PADI6: variants seen among roughly 807,000 people sequenced by gnomAD.
The protein encoded by PADI6 is peptidyl arginine deiminase 6, also known as inactive protein-arginine deiminase type-6.
A neutral mutation model predicts 78.2 loss-of-function variants in PADI6; 66 were observed. That is an observed-to-expected ratio of 0.84 (90% CI 0.69 to 1.04). The LOEUF (loss-of-function observed/expected upper bound fraction) is 1.04. Among genes scored for constraint, PADI6 ranks in the 50% least tolerant of loss-of-function variants. The pLI is 0.00. For synonymous variants in PADI6, 397 were observed against 346.9 expected (o/e 1.14, Z -1.60); for missense variants, 854 against 866.1 (o/e 0.99, Z 0.18).
Position 17,401,281 on chromosome 1 carries a change from T to A in PADI6, c.1928T>A (p.Leu643Gln). ...FGPQIKGTCCLEEKICCLLEP... is the reference protein window; with the variant it reads ...FGPQIKGTCCQEEKICCLLEP... ...CCCCAAATCAAGGGGACCTGCTGCC[T>A]GGAAGAAAAGATTTGCTGCTTGCTG... Residue 643 changes from leucine (L) to glutamine (Q), a missense_variant, in exon 16 of 16, where the codon CTG becomes CAG. By Grantham distance (113) the Leu-to-Gln change is moderately radical (BLOSUM62 -2). Coordinates refer to ENST00000619609, the MANE Select transcript of PADI6 (RefSeq NM_207421.4). The A allele has an allele frequency of 6.2e-7, 1 of 1,614,060 alleles. No homozygotes were observed. The highest frequency in any genetic ancestry group is 8.5e-7 in the Non-Finnish European group (1 of 1,179,896).
Position 17,398,751 on chromosome 1 carries a change from C to T in PADI6, c.1755C>T (p.Ile585=), listed in dbSNP as rs746099768. 5.6e-6 allele frequency: 9 copies of T among 1,605,642 alleles called. No individual in the cohort carries two copies. Among genetic ancestry groups the T allele is most frequent in the East Asian group, 2.3e-5 (1 of 44,386 alleles). ...TGGGCCTGGTGGAACAGGACATCAT[C>T]GAGATTCCCCAGCTGTTCTGCTTGG... ...TELGLVEQDI[I]EIPQLFCLEK... Residue 585 remains isoleucine (I), a synonymous_variant, in exon 15 of 16, where the codon ATC becomes ATT. Coordinates refer to ENST00000619609, the MANE Select transcript of PADI6 (RefSeq NM_207421.4).
chr1:17,374,965 T>C (rs933571534), intron 2 of PADI6, among the ~76,000 whole-genome samples: 1 of 152,078 alleles, frequency 6.6e-6, no homozygotes, highest in African/African-American at 2.4e-5. Context: ...TTCACCTGGG[T>C]GTCCTTCTTA....
chr1:17,388,417 C>T lies in PADI6; in HGVS notation c.716C>T (p.Pro239Leu), dbSNP rs755822282. 8 of 1,613,480 alleles carry T rather than the reference C, an allele frequency of 5.0e-6. No homozygotes were observed. The highest frequency in any genetic ancestry group is 1.7e-5 in the Admixed American group (1 of 59,944). ...AGTACCTTTGAGTTGGTGCTGGGGC[C>T]CGACCAGCACGCCTATACCTTGGCC... The part of the protein sequence containing the change: ...NSSTFELVLG[P>L]DQHAYTLALL... Residue 239 changes from proline to leucine, a missense_variant, in exon 7 of 16, where the codon CCC (proline) becomes CTC (leucine). Transcript: ENST00000619609.
intron 6 of PADI6, among the ~76,000 whole-genome samples, chr1:17,387,302 G>A (rs111958283): frequency 0.012 from 1,870 of 152,108 alleles, 44 homozygotes; most frequent in African/African-American, 0.042. Flanking sequence ...AAAACTAGCC[G>A]GGCATGGTGG....
intron 8 of PADI6, among the ~76,000 whole-genome samples, chr1:17,390,688 G>C (rs55964714): frequency 0.35 from 52,452 of 151,526 alleles, 9,273 homozygotes; most frequent in South Asian, 0.39. Flanking sequence ...CTCCTGGGGA[G>C]TGTGGTCCTC....
rs869119547 is a variant in PADI6 at position 17,378,947 on chromosome 1, A to AT, written c.368-965dup. ...GGGGCTTAGAATTGTCATGTATTGA[A>AT]TTTTTTTTGGGGGGGGGGACAGAAT... On this transcript the variant is annotated intron_variant, in intron 3 of 15. Coordinates refer to ENST00000619609, the MANE Select transcript of PADI6 (RefSeq NM_207421.4). Among the ~76,000 whole-genome samples, 350 of 115,646 alleles carry AT rather than the reference A, an allele frequency of 3.0e-3. 4 individuals are homozygous for AT. Among genetic ancestry groups the AT allele is most frequent in the South Asian group, 6.8e-3 (26 of 3,834 alleles). The allele number at this position is 115,646 out of a possible 152,430, so 75.9% of individuals were successfully genotyped here. A position where few individuals can be genotyped will look rare whatever the true frequency, so the allele number is the denominator to read the frequency against.
Position 17,401,334 on chromosome 1 carries a change from A to T in PADI6, c.1981A>T (p.Ile661Phe). The T allele has an allele frequency of 1.2e-6, 2 of 1,614,080 alleles. No individual in the cohort carries two copies. The highest frequency in any genetic ancestry group is 1.3e-5 in the African/African-American group (1 of 75,066). Residue 661 changes from isoleucine to phenylalanine, a missense_variant, in exon 16 of 16, where the codon ATC becomes TTC. Physicochemically the swap from Ile to Phe is conservative, Grantham distance 21. Transcript: ENST00000619609. ...LEPLGFKCTF[I>F]NDFDCYLTEV... is the part of the protein sequence containing the mutation. ...GCCCCTGGGCTTCAAGTGCACCTTC[A>T]TCAATGACTTTGACTGTTACCTGAC...
chr1:17,381,819 G>T, intron 5 of PADI6, 148 bp from the exon 6 acceptor site: 1 of 841,778 alleles, frequency 1.2e-6, no homozygotes, highest in Non-Finnish European at 1.9e-6. Flanking sequence ...GCAGTGAAAT[G>T]GTAATTCTTC....
chr1:17,393,002 C>T (rs190342153), intron 9 of PADI6, among the ~76,000 whole-genome samples: 238 of 152,142 alleles, frequency 1.6e-3, no homozygotes, highest in African/African-American at 5.5e-3. Flanking sequence ...AAAAATCAGC[C>T]GGGCATGGTG....
chr1:17,398,688 G>T lies in PADI6; in HGVS notation c.1692G>T (p.Lys564Asn). ...CCCACCCACCCACCCACCCACAGAA[G>T]TGCATTCACCTGAACCGTGACATCC... ...SLKKQNEYVE[K>N]CIHLNRDILK... The change falls in exon 15 of 16, where the codon AAG becomes AAT. Residue 564 changes from lysine to asparagine, a missense_variant and splice_region_variant. By Grantham distance (94) the Lys-to-Asn change is moderately conservative. Coordinates refer to ENST00000619609, the MANE Select transcript of PADI6 (RefSeq NM_207421.4). 1.9e-6 allele frequency: 2 copies of T among 1,056,212 alleles called. No homozygotes were observed. Among genetic ancestry groups the T allele is most frequent in the African/African-American group, 3.7e-5 (1 of 27,396 alleles). 65.4% of individuals were successfully genotyped at this position (1,056,212 alleles called of 1,614,324 possible). A position where few individuals can be genotyped will look rare whatever the true frequency, so the allele number is the denominator to read the frequency against.
chr1:17,372,573 T>C (rs572194939), intron 1 of PADI6, among the ~76,000 whole-genome samples: 1 of 152,268 alleles, frequency 6.6e-6, no homozygotes, highest in East Asian at 1.9e-4. Flanking sequence ...GCAGCTGCCA[T>C]GGACTCTTAG....
chr1:17,388,588 G>A (rs1229258065), intron 7 of PADI6, 29 bp downstream of exon 7: 1 of 1,564,584 alleles, frequency 6.4e-7, no homozygotes, highest in East Asian at 2.3e-5. Context: ...TGGGTCCTCA[G>A]ACTAGGATGC....
At chr1:17,394,118 C>T (rs1557607437) in intron 10 of PADI6, 36 bp downstream of exon 10, 4 of 1,597,354 alleles carry the variant, frequency 2.5e-6, no homozygotes, top group Non-Finnish European at 3.4e-6. Flanking sequence ...GAGCTCAGTC[C>T]AATCTCTCAG....
At chr1:17,398,473 C>T (rs941513800) in intron 14 of PADI6, among the ~76,000 whole-genome samples, 1 of 152,174 alleles carries the variant, frequency 6.6e-6, no homozygotes, top group Non-Finnish European at 1.5e-5. Context: ...AAGACTAGGC[C>T]ATTCCTGAGC....
At chr1:17,375,318 A>G (rs1037283687) in intron 2 of PADI6, 109 bp from the exon 3 acceptor site, 7 of 1,022,332 alleles carry the variant, frequency 6.8e-6, no homozygotes, top group African/African-American at 4.8e-5. Context: ...TTCAGAAGCC[A>G]TAACACAAGA....
At chr1:17,386,137 G>A (rs2075116922) in intron 6 of PADI6, among the ~76,000 whole-genome samples, 1 of 152,100 alleles carries the variant, frequency 6.6e-6, no homozygotes, top group South Asian at 2.1e-4. Context: ...CCAGGTAGAG[G>A]CAGCTATTGT....
chr1:17,399,733 A>AAAG (rs2075283173), intron 15 of PADI6, among the ~76,000 whole-genome samples: 1 of 149,522 alleles, frequency 6.7e-6, no homozygotes, highest in Non-Finnish European at 1.5e-5. Context: ...CAACTTTAAA[A>AAAG]AAAAGAAAAA....
At chr1:17,394,904 C>T (rs765124874) in intron 11 of PADI6, 47 bp from the exon 12 acceptor site, 1 of 1,523,502 alleles carries the variant, frequency 6.6e-7, no homozygotes, top group Non-Finnish European at 8.8e-7. Context: ...GGTGACCAGC[C>T]CTGGGCCACA....
rs369382323 is a variant in PADI6 at position 17,372,298 on chromosome 1, C to A, written c.53C>A (p.Ser18Tyr). ...TCCTTCCAGAGTATCATCCACCTGT[C>A]CCTGGACAGCCCTGTCCATGCCGTT... ...AMSFQSIIHL[S>Y]LDSPVHAVCV... Residue 18 changes from serine to tyrosine, a missense_variant, in exon 1 of 16, where the codon TCC becomes TAC. Ser to Tyr is a moderately radical substitution (Grantham distance 144, BLOSUM62 -2). Coordinates refer to ENST00000619609, the MANE Select transcript of PADI6 (RefSeq NM_207421.4). The A allele has an allele frequency of 1.7e-5, 27 of 1,613,852 alleles. No individual in the cohort carries two copies. The African/African-American group carries it at 3.3e-4, about 20-fold the overall frequency.
Sources: gnomAD v4.1 joint callset for allele counts (sites outside exome capture counted in the v4.1 genomes callset) on GRCh38, gnomAD v4.1.1 for gene constraint, MANE v1.5 for transcripts, NCBI Gene and HGNC (gene_info 2026-07-23, HGNC 2026-07-21) for gene names.